Variants in SLC30A9 observed in about 807,000 individuals in gnomAD.
SLC30A9 encodes the protein solute carrier family 30 member 9.
In SLC30A9, 58 loss-of-function variants were observed where a neutral mutation model predicts 87.5. The ratio of observed to expected loss-of-function variants is 0.66; its 90% CI spans 0.54 to 0.82. The LOEUF (loss-of-function observed/expected upper bound fraction) is 0.82. Ranked by LOEUF, SLC30A9 falls within the 40% of genes least tolerant of loss-of-function variation. The pLI, the probability that SLC30A9 is intolerant of heterozygous loss-of-function variation, is 0.00. For synonymous variants in SLC30A9, 234 were observed against 233.0 expected, an observed-to-expected ratio of 1.00 and a Z score of -0.04; for missense variants, 557 against 679.1, an observed-to-expected ratio of 0.82 and a Z score of 2.00.
intron 15 of SLC30A9, among the ~76,000 whole-genome samples, chr4:42,074,855 CTT>C (rs1468311939): frequency 6.6e-6 from 1 of 151,288 alleles, no homozygotes; most frequent in African/African-American, 2.4e-5. Context: ...TGTATGAAGA[CTT>C]TTAAAGAAGC....
Position 42,087,984 on chromosome 4 carries a change from A to C in SLC30A9, c.*1858A>C, listed in dbSNP as rs534277471. On this transcript the variant is annotated 3_prime_UTR_variant, in exon 18 of 18. Transcript: ENST00000264451. ...AAGTTAATGTGCAGCAGGTATTCCA[A>C]ATGGTAATTTTTTTTTTTTAGGATT... is the stretch of plus-strand genomic sequence containing the variant. 1.1e-5 allele frequency: 1 copy of C among 93,454 alleles called. No homozygotes were observed. Among genetic ancestry groups the C allele is most frequent in the African/African-American group, 2.6e-5 (1 of 38,370 alleles). 5.8% of individuals were successfully genotyped at this position (93,454 alleles called of 1,614,324 possible).
chr4:42,007,695 T>A (rs548836188), intron 2 of SLC30A9, among the ~76,000 whole-genome samples: 1 of 152,316 alleles, frequency 6.6e-6, no homozygotes, highest in African/African-American at 2.4e-5. Context: ...AGGGAGAGGT[T>A]GCAGTGAGCT....
At chr4:42,056,127 G>A in intron 9 of SLC30A9, among the ~76,000 whole-genome samples, 2 of 152,046 alleles carry the variant, frequency 1.3e-5, no homozygotes, top group African/African-American at 2.4e-5. Flanking sequence ...TAAAATAGTT[G>A]ACGGTATCTC....
chr4:42,060,321 C>T, intron 10 of SLC30A9, 75 bp downstream of exon 10: 1 of 1,160,316 alleles, frequency 8.6e-7, no homozygotes, highest in Non-Finnish European at 1.3e-6. Flanking sequence ...TCAGAAATCT[C>T]CTGCAATTTA....
At chr4:42,030,121 T>G (rs1577695347) in intron 6 of SLC30A9, 2 of 911,300 alleles carry the variant, frequency 2.2e-6, no homozygotes, top group Non-Finnish European at 3.1e-6. Flanking sequence ...AGTTAAGAGC[T>G]GATCACAAGC....
intron 8 of SLC30A9, 106 bp downstream of exon 8, chr4:42,039,159 G>T (rs950091161): frequency 6.1e-6 from 5 of 814,790 alleles, no homozygotes; most frequent in South Asian, 5.1e-5. Flanking sequence ...AGAGTTTGAG[G>T]TTTATTTTGT....
chr4:42,087,535 T>C lies in SLC30A9; in HGVS notation c.*1409T>C, dbSNP rs1718965122. On this transcript the variant is annotated 3_prime_UTR_variant, in exon 18 of 18. Transcript: ENST00000264451. ...TTGGTTAAAGGGTTTGTAATGGTGATTTTTGACCCAGAAATCTCATTTACT... is the reference window on the plus strand; with the variant it reads ...TTGGTTAAAGGGTTTGTAATGGTGACTTTTGACCCAGAAATCTCATTTACT... 6.6e-6 allele frequency: 1 copy of C among 151,838 alleles called. No homozygotes were observed. The highest frequency in any genetic ancestry group is 2.4e-5 in the African/African-American group (1 of 41,388). The allele number at this position is 151,838 out of a possible 1,614,324, so 9.4% of individuals were successfully genotyped here.
intron 2 of SLC30A9, among the ~76,000 whole-genome samples, chr4:42,008,015 T>G (rs559524780): frequency 6.6e-6 from 1 of 152,318 alleles, no homozygotes; most frequent in Admixed American, 6.5e-5. Flanking sequence ...TAAAATTTAC[T>G]ATTCTGACTC....
rs1719025810 is a variant in SLC30A9 at position 42,089,361 on chromosome 4, A to C, written c.*3235A>C. 6.6e-6 allele frequency: 1 copy of C among 152,332 alleles called. No homozygotes were observed. Among genetic ancestry groups the C allele is most frequent in the East Asian group, 1.9e-4 (1 of 5,190 alleles). The allele number at this position is 152,332 out of a possible 1,614,324, so 9.4% of individuals were successfully genotyped here. On this transcript the variant is annotated 3_prime_UTR_variant, in exon 18 of 18. Coordinates refer to ENST00000264451, the MANE Select transcript of SLC30A9 (RefSeq NM_006345.4). Reference sequence around the variant, plus strand: ...AATTCACTGTAAGTAGCAGTCCCCAAACTATATAAGGTGGCACAGTTTTCA... The same window carrying C: ...AATTCACTGTAAGTAGCAGTCCCCACACTATATAAGGTGGCACAGTTTTCA...
chr4:42,046,650 T>A (rs1717163821), intron 8 of SLC30A9, among the ~76,000 whole-genome samples: 1 of 152,188 alleles, frequency 6.6e-6, no homozygotes, highest in South Asian at 2.1e-4. Context: ...AAAATGGCCG[T>A]ACTGCGCAAA....
At chr4:42,030,002 C>A in intron 6 of SLC30A9, 1 of 895,322 alleles carries the variant, frequency 1.1e-6, no homozygotes, top group Non-Finnish European at 1.8e-6. Flanking sequence ...TTGTACAGTT[C>A]ACCAACCTTA....
intron 8 of SLC30A9, among the ~76,000 whole-genome samples, chr4:42,041,858 C>T (rs767636437): frequency 1.3e-5 from 2 of 152,214 alleles, no homozygotes; most frequent in Non-Finnish European, 2.9e-5. Context: ...GCTGAGGTAC[C>T]TGGCTCATCT....
intron 17 of SLC30A9, among the ~76,000 whole-genome samples, chr4:42,082,142 A>G (rs1302963839): frequency 1.3e-5 from 2 of 151,976 alleles, no homozygotes; most frequent in Non-Finnish European, 2.9e-5. Context: ...GCATGAACCC[A>G]GGAGGCAGAG....
At chr4:42,068,584 A>T (rs181240213) in intron 14 of SLC30A9, among the ~76,000 whole-genome samples, 1 of 152,256 alleles carries the variant, frequency 6.6e-6, no homozygotes, top group East Asian at 1.9e-4. Context: ...CTTATGGTAA[A>T]ATTGGTTTTG....
intron 6 of SLC30A9, 91 bp downstream of exon 6, chr4:42,023,475 T>A: frequency 1.3e-6 from 1 of 794,500 alleles, no homozygotes; most frequent in Non-Finnish European, 2.1e-6. Context: ...CTAGCATACC[T>A]GTTGGCCTAG....
chr4:42,071,462 A>G (rs1247968543), intron 15 of SLC30A9, among the ~76,000 whole-genome samples: 1 of 152,158 alleles, frequency 6.6e-6, no homozygotes, highest in African/African-American at 2.4e-5. Context: ...TCTATGCCCT[A>G]TATGTTTAAT....
rs752883251 is a variant in SLC30A9, at chr4:42,070,654, C to A, written c.1381C>A (p.Arg461=). 3 of 1,613,908 alleles carry A rather than the reference C, an allele frequency of 1.9e-6. No individual in the cohort carries two copies. Among genetic ancestry groups the A allele is most frequent in the Non-Finnish European group, 2.5e-6 (3 of 1,179,860 alleles). The change falls in exon 15 of 18, where the codon CGG becomes AGG. Residue 461 remains arginine, a synonymous_variant. Transcript: ENST00000264451. ...GRSIQPEQVQ[R]LTELLENDPS... is the part of the protein sequence containing the mutation. ...GTCCATCCAGCCAGAACAAGTACAA[C>A]GGCTCACTGAACTCCTGGAGAATGA...
chr4:42,039,075 T>G, intron 8 of SLC30A9, 22 bp downstream of exon 8: 3 of 1,538,932 alleles, frequency 1.9e-6, no homozygotes, highest in Non-Finnish European at 2.7e-6. Context: ...AAAATAAGCT[T>G]TGTGAAATAG....
chr4:42,048,379 A>T (rs1258284993), intron 8 of SLC30A9, among the ~76,000 whole-genome samples: 1 of 152,170 alleles, frequency 6.6e-6, no homozygotes, highest in Non-Finnish European at 1.5e-5. Flanking sequence ...AGACAGAATA[A>T]ATATGATGTT....
Sources: allele counts gnomAD v4.1 joint callset (sites outside exome capture counted in the v4.1 genomes callset), GRCh38; gene constraint gnomAD v4.1.1; transcripts MANE v1.5; gene names NCBI Gene and HGNC (gene_info 2026-07-23, HGNC 2026-07-21).